The following HCN1 variants were observed in gnomAD, a reference collection of about 807,000 sequenced individuals.
HCN1 encodes potassium/sodium hyperpolarization-activated cyclic nucleotide-gated channel 1.
Under a neutral mutation model 78.9 loss-of-function variants are expected in HCN1, and 13 were observed. The ratio of observed to expected loss-of-function variants is 0.16; its 90% CI spans 0.11 to 0.26. The LOEUF is 0.26. Ranked by LOEUF, HCN1 falls within the 10% of genes least tolerant of loss-of-function variation. HCN1 has a pLI of 1.00. For synonymous variants in HCN1, 552 were observed against 455.5 expected (o/e 1.21, Z -2.70); for missense variants, 810 against 1,154.3 (o/e 0.70, Z 4.32).
chr5:45,550,887 G>A (rs986544810), intron 2 of HCN1, among the ~76,000 whole-genome samples: 1 of 151,984 alleles, frequency 6.6e-6, no homozygotes, highest in Admixed American at 6.6e-5. Flanking sequence ...TTTCTTTAAT[G>A]TAGTTTCTAG....
chr5:45,659,647 C>G (rs1226466940), intron 1 of HCN1, among the ~76,000 whole-genome samples: 10 of 142,982 alleles, frequency 7.0e-5, no homozygotes, highest in Admixed American at 1.4e-4. Context: ...TCGAGAACTA[C>G]GTGAAGAATG....
At chr5:45,687,401 A>G (rs941251289) in intron 1 of HCN1, among the ~76,000 whole-genome samples, 2 of 152,074 alleles carry the variant, frequency 1.3e-5, no homozygotes, top group Non-Finnish European at 2.9e-5. Flanking sequence ...TTGACCTTAT[A>G]AATTAGTTAT....
intron 2 of HCN1, among the ~76,000 whole-genome samples, chr5:45,525,092 C>G (rs886471833): frequency 1.1e-4 from 17 of 152,006 alleles, no homozygotes; most frequent in Admixed American, 6.6e-4. Flanking sequence ...TGTCAAAGGC[C>G]TTTTCTGCCT....
At chr5:45,684,079 G>C (rs890460818) in intron 1 of HCN1, among the ~76,000 whole-genome samples, 1 of 152,128 alleles carries the variant, frequency 6.6e-6, no homozygotes, top group Non-Finnish European at 1.5e-5. Context: ...ATATTAGATA[G>C]TTCAGGAAGT....
chr5:45,277,809 T>C (rs1205412824), intron 6 of HCN1, among the ~76,000 whole-genome samples: 1 of 152,152 alleles, frequency 6.6e-6, no homozygotes, highest in Non-Finnish European at 1.5e-5. Flanking sequence ...GATGCTTCAA[T>C]CAGACTGTGA....
At chr5:45,528,815 A>G (rs1343325231) in intron 2 of HCN1, among the ~76,000 whole-genome samples, 1 of 151,964 alleles carries the variant, frequency 6.6e-6, no homozygotes, top group Non-Finnish European at 1.5e-5. Context: ...AAAAATATAG[A>G]CCATGTCATT....
chr5:45,573,992 T>A (rs1480898121), intron 2 of HCN1, among the ~76,000 whole-genome samples: 1 of 152,128 alleles, frequency 6.6e-6, no homozygotes, highest in Non-Finnish European at 1.5e-5. Flanking sequence ...CAATAGCATA[T>A]ACAAAATAAA....
intron 3 of HCN1, among the ~76,000 whole-genome samples, chr5:45,452,261 T>C (rs1740934165): frequency 2.0e-5 from 3 of 151,850 alleles, no homozygotes; most frequent in Non-Finnish European, 4.4e-5. Flanking sequence ...TTAACTCTTA[T>C]TTGGATTGGA....
chr5:45,530,633 T>A (rs1206317504), intron 2 of HCN1, among the ~76,000 whole-genome samples: 1 of 152,074 alleles, frequency 6.6e-6, no homozygotes, highest in African/African-American at 2.4e-5. Context: ...AAGATAATTA[T>A]GATCTAAAGA....
intron 2 of HCN1, among the ~76,000 whole-genome samples, chr5:45,602,181 G>C (rs1162802485): frequency 6.6e-6 from 1 of 152,034 alleles, no homozygotes; most frequent in East Asian, 1.9e-4. Context: ...CCCAGTCTCA[G>C]GTATTTCTTC....
intron 2 of HCN1, among the ~76,000 whole-genome samples, chr5:45,541,882 C>G (rs1743113402): frequency 1.3e-5 from 2 of 152,026 alleles, no homozygotes; most frequent in South Asian, 4.1e-4. Flanking sequence ...TAATGAATAA[C>G]TTTAAATCTT....
chr5:45,381,984 C>T (rs77746376), intron 4 of HCN1, among the ~76,000 whole-genome samples: 4 of 152,300 alleles, frequency 2.6e-5, no homozygotes, highest in South Asian at 4.1e-4. Flanking sequence ...ACTGTCCAGC[C>T]ATTGTCCTCC....
At chr5:45,588,745 G>A (rs2111939754) in intron 2 of HCN1, among the ~76,000 whole-genome samples, 1 of 152,268 alleles carries the variant, frequency 6.6e-6, no homozygotes, top group African/African-American at 2.4e-5. Context: ...TCAGCACCCA[G>A]AAACCTCTGC....
At chr5:45,374,320 TATACATTA>T in intron 4 of HCN1, among the ~76,000 whole-genome samples, 1 of 139,664 alleles carries the variant, frequency 7.2e-6, no homozygotes, top group African/African-American at 2.6e-5. Flanking sequence ...ATATACATTA[TATACATTA>T]TATACATTAT....
intron 2 of HCN1, among the ~76,000 whole-genome samples, chr5:45,512,231 A>T (rs565670180): frequency 1.8e-3 from 269 of 152,164 alleles, no homozygotes; most frequent in African/African-American, 6.2e-3. Flanking sequence ...AGTCAAAATA[A>T]TTTTTTCCAA....
intron 3 of HCN1, among the ~76,000 whole-genome samples, chr5:45,454,650 G>T (rs1393932824): frequency 6.6e-6 from 1 of 151,850 alleles, no homozygotes; most frequent in Non-Finnish European, 1.5e-5. Flanking sequence ...TTAATTAAGA[G>T]ATTTTTTAGC....
chr5:45,548,887 C>T (rs1317389278), intron 2 of HCN1, among the ~76,000 whole-genome samples: 1 of 151,400 alleles, frequency 6.6e-6, no homozygotes, highest in African/African-American at 2.4e-5. Context: ...GAGTGAACTC[C>T]CATTCACAAT....
intron 3 of HCN1, among the ~76,000 whole-genome samples, chr5:45,451,160 C>A (rs1474543528): frequency 6.6e-6 from 1 of 152,092 alleles, no homozygotes; most frequent in African/African-American, 2.4e-5. Flanking sequence ...GCATGACAGT[C>A]TCATAAATAT....
chr5:45,375,834 CTTATA>C (rs1747629804), intron 4 of HCN1, among the ~76,000 whole-genome samples: 2 of 112,904 alleles, frequency 1.8e-5, no homozygotes, highest in Non-Finnish European at 3.3e-5. Flanking sequence ...TATGATATAT[CTTATA>C]TATAATATAA....
Sources: allele counts gnomAD v4.1 joint callset (sites outside exome capture counted in the v4.1 genomes callset), GRCh38; gene constraint gnomAD v4.1.1; transcripts MANE v1.5; gene names NCBI Gene and HGNC (gene_info 2026-07-23, HGNC 2026-07-21).